Variants in PPFIA2 observed in about 807,000 individuals in gnomAD.
PPFIA2 encodes liprin-alpha-2.
Under a neutral mutation model 175.5 loss-of-function variants are expected in PPFIA2, and 46 were observed. That is an observed-to-expected ratio of 0.26 (90% CI 0.21 to 0.34). PPFIA2 has a LOEUF of 0.34. PPFIA2 is among the 10% of genes least tolerant of loss of function. The probability of loss-of-function intolerance (pLI) is 1.00; values close to 1 mark genes in which losing one functional copy is unlikely to be tolerated. For synonymous variants in PPFIA2, 568 were observed against 511.4 expected (o/e 1.11, Z -1.49); for missense variants, 1,179 against 1,506.1 (o/e 0.78, Z 3.60).
intron 4 of PPFIA2, among the ~76,000 whole-genome samples, chr12:81,640,385 C>T (rs1315280480): frequency 6.6e-6 from 1 of 152,124 alleles, no homozygotes; most frequent in Admixed American, 6.5e-5. Flanking sequence ...GAACGACAAA[C>T]AACAACAAAA....
intron 4 of PPFIA2, among the ~76,000 whole-genome samples, chr12:81,570,323 G>T (rs934622965): frequency 6.6e-6 from 1 of 151,954 alleles, no homozygotes. Flanking sequence ...AAATTCATTG[G>T]CCCCATTTAT....
intron 9 of PPFIA2, among the ~76,000 whole-genome samples, chr12:81,383,163 G>T (rs943775343): frequency 6.6e-6 from 1 of 152,088 alleles, no homozygotes; most frequent in East Asian, 1.9e-4. Flanking sequence ...ATTGGCTTAC[G>T]AGAGAATGGG....
intron 4 of PPFIA2, among the ~76,000 whole-genome samples, chr12:81,673,652 T>C (rs2071871862): frequency 1.3e-5 from 2 of 152,070 alleles, no homozygotes; most frequent in Non-Finnish European, 1.5e-5. Context: ...TATCTTTTGA[T>C]ATAATTTTCA....
chr12:81,709,024 C>A (rs1468362065), intron 3 of PPFIA2, among the ~76,000 whole-genome samples: 7 of 152,064 alleles, frequency 4.6e-5, no homozygotes, highest in Admixed American at 1.3e-4. Context: ...AGATTAAAAA[C>A]CCCCTTTTAT....
intron 4 of PPFIA2, among the ~76,000 whole-genome samples, chr12:81,484,409 C>T (rs1416260203): frequency 1.3e-5 from 2 of 151,908 alleles, no homozygotes; most frequent in African/African-American, 4.8e-5. Context: ...TCTAGGAACA[C>T]TCTGGAGGAG....
At chr12:81,683,798 G>C (rs573418282) in intron 3 of PPFIA2, among the ~76,000 whole-genome samples, 3 of 151,980 alleles carry the variant, frequency 2.0e-5, no homozygotes, top group Admixed American at 2.0e-4. Context: ...GAAAAAAAAG[G>C]TTTATTTGGT....
intron 15 of PPFIA2, among the ~76,000 whole-genome samples, chr12:81,361,521 A>C (rs1364233037): frequency 2.0e-5 from 3 of 151,600 alleles, no homozygotes. Flanking sequence ...TCTCATATTC[A>C]ATTGAGTATG....
At chr12:81,642,465 T>C (rs927960737) in intron 4 of PPFIA2, among the ~76,000 whole-genome samples, 3 of 151,010 alleles carry the variant, frequency 2.0e-5, no homozygotes, top group Admixed American at 6.6e-5. Context: ...TGAAAATATA[T>C]GCAGTTCCTT....
chr12:81,756,637 CTCTT>C (rs2084715733), intron 2 of PPFIA2, among the ~76,000 whole-genome samples: 1 of 151,964 alleles, frequency 6.6e-6, no homozygotes, highest in Admixed American at 6.6e-5. Context: ...CTTTAGTTCT[CTCTT>C]TCATGAAAGA....
chr12:81,483,259 G>T (rs969374742), intron 4 of PPFIA2, among the ~76,000 whole-genome samples: 1 of 152,098 alleles, frequency 6.6e-6, no homozygotes, highest in Non-Finnish European at 1.5e-5. Flanking sequence ...TTATATGCGT[G>T]TTCATAGTAG....
At chr12:81,453,956 G>T (rs536151418) in intron 5 of PPFIA2, among the ~76,000 whole-genome samples, 2 of 152,284 alleles carry the variant, frequency 1.3e-5, no homozygotes, top group East Asian at 3.9e-4. Flanking sequence ...AGTGGCTCAT[G>T]CCTGTAATCC....
At chr12:81,337,294 A>T (rs2057290158) in intron 21 of PPFIA2, among the ~76,000 whole-genome samples, 1 of 152,048 alleles carries the variant, frequency 6.6e-6, no homozygotes, top group Admixed American at 6.6e-5. Flanking sequence ...CTTTGTTTAC[A>T]CTCTACCTCT....
chr12:81,522,020 G>A (rs1189869769), intron 4 of PPFIA2, among the ~76,000 whole-genome samples: 3 of 152,058 alleles, frequency 2.0e-5, no homozygotes, highest in African/African-American at 7.2e-5. Context: ...GAATAAAGAT[G>A]AATCAAATAA....
intron 4 of PPFIA2, among the ~76,000 whole-genome samples, chr12:81,594,298 A>T (rs1461065289): frequency 6.6e-6 from 1 of 152,170 alleles, no homozygotes; most frequent in Non-Finnish European, 1.5e-5. Flanking sequence ...AACCTATAGT[A>T]AAGTTTCTTT....
chr12:81,707,268 C>T (rs1283956262), intron 3 of PPFIA2, among the ~76,000 whole-genome samples: 2 of 151,632 alleles, frequency 1.3e-5, no homozygotes, highest in African/African-American at 4.8e-5. Flanking sequence ...TCACAACCTA[C>T]TCATCTGACA....
At chr12:81,449,622 A>G (rs1215472803) in intron 5 of PPFIA2, among the ~76,000 whole-genome samples, 1 of 152,148 alleles carries the variant, frequency 6.6e-6, no homozygotes, top group Non-Finnish European at 1.5e-5. Flanking sequence ...GAATGGTTAA[A>G]TAAGCCAAGA....
At chr12:81,494,059 A>C (rs1307464109) in intron 4 of PPFIA2, among the ~76,000 whole-genome samples, 1 of 151,964 alleles carries the variant, frequency 6.6e-6, no homozygotes, top group East Asian at 1.9e-4. Flanking sequence ...TAAAACACCA[A>C]AAGCAATGGC....
intron 4 of PPFIA2, among the ~76,000 whole-genome samples, chr12:81,573,040 T>G (rs892723620): frequency 1.3e-5 from 2 of 151,876 alleles, no homozygotes; most frequent in African/African-American, 4.8e-5. Context: ...AGACTGAGAC[T>G]CATTTGCAAC....
At chr12:81,494,685 G>T (rs1270583584) in intron 4 of PPFIA2, among the ~76,000 whole-genome samples, 1 of 151,808 alleles carries the variant, frequency 6.6e-6, no homozygotes, top group African/African-American at 2.4e-5. Flanking sequence ...CAAAGACTTG[G>T]AACCAACCCA....
Sources: allele counts gnomAD v4.1 joint callset (sites outside exome capture counted in the v4.1 genomes callset), GRCh38; gene constraint gnomAD v4.1.1; transcripts MANE v1.5; gene names NCBI Gene and HGNC (gene_info 2026-07-23, HGNC 2026-07-21).